The following PPFIBP1 variants were observed in gnomAD, a reference collection of about 807,000 sequenced individuals.
PPFIBP1 encodes the protein liprin-beta-1.
A neutral mutation model predicts 137.8 loss-of-function variants in PPFIBP1; 112 were observed. The ratio of observed to expected loss-of-function variants is 0.81; its 90% CI spans 0.70 to 0.95. The LOEUF (loss-of-function observed/expected upper bound fraction) is 0.95. Among genes scored for constraint, PPFIBP1 ranks in the 40% least tolerant of loss-of-function variants. PPFIBP1 has a pLI of 0.00. For missense variants in PPFIBP1, 1,083 were observed against 1,196.6 expected (o/e 0.91, Z 1.40); for synonymous variants, 378 against 417.3 (o/e 0.91, Z 1.15).
intron 19 of PPFIBP1, 86 bp downstream of exon 19, chr12:27,677,182 A>C (rs143777065): frequency 0.03 from 45,180 of 1,501,496 alleles, 1,041 homozygotes; most frequent in South Asian, 0.099. Context: ...GATCTCTAGA[A>C]AGCGATCTGA....
chr12:27,648,599 A>G (rs1039478593), intron 6 of PPFIBP1, among the ~76,000 whole-genome samples: 2 of 152,254 alleles, frequency 1.3e-5, no homozygotes, highest in African/African-American at 2.4e-5. Flanking sequence ...GAAGCAACTT[A>G]AATGTCCATC....
chr12:27,541,736 A>T (rs1945690048), intron 1 of PPFIBP1, among the ~76,000 whole-genome samples: 1 of 152,192 alleles, frequency 6.6e-6, no homozygotes, highest in African/African-American at 2.4e-5. Context: ...GGGCTTTTAT[A>T]GATGCTTCTC....
chr12:27,604,996 GCATGGGAAAGACCCCCTC>G (rs2054377124), intron 2 of PPFIBP1, among the ~76,000 whole-genome samples: 1 of 152,116 alleles, frequency 6.6e-6, no homozygotes, highest in African/African-American at 2.4e-5. Flanking sequence ...CACAAGAACA[GCATGGGAAAGACCCCCTC>G]CATGATTCAG....
chr12:27,679,482 G>A lies in PPFIBP1; in HGVS notation c.1616-7G>A. 2 of 1,604,912 alleles carry A rather than the reference G, an allele frequency of 1.2e-6. No individual in the cohort carries two copies. Among genetic ancestry groups the A allele is most frequent in the East Asian group, 4.5e-5 (2 of 44,830 alleles). On this transcript the variant is annotated splice_region_variant and splice_polypyrimidine_tract_variant and intron_variant, in intron 19 of 29. Transcript: ENST00000228425. ...AATTCATTGTCTGCATTCTGCTCTT[G>A]GAGTAGCTGAAACAGAAAAAGAGAC...
intron 1 of PPFIBP1, among the ~76,000 whole-genome samples, chr12:27,530,626 T>C (rs1029555811): frequency 6.6e-6 from 1 of 152,188 alleles, no homozygotes; most frequent in Non-Finnish European, 1.5e-5. Flanking sequence ...CCCCTCCTTT[T>C]CTGTAACTGA....
intron 13 of PPFIBP1, among the ~76,000 whole-genome samples, chr12:27,670,612 C>T (rs2060119245): frequency 6.6e-6 from 1 of 151,790 alleles, no homozygotes; most frequent in Non-Finnish European, 1.5e-5. Context: ...CGTGTTTCTA[C>T]AAAAAAATTT....
rs1229496193 is a variant in PPFIBP1, at chr12:27,613,921, C to A, written c.-35-19441C>A. On this transcript the variant is annotated intron_variant, in intron 2 of 29. Transcript: ENST00000228425. ...TTGGGAAGACAATGACCTTGCCTTC[C>A]CCACACACGTCCATACAGCACTGCT... Among the ~76,000 whole-genome samples, 8 of 152,170 alleles carry A rather than the reference C, an allele frequency of 5.3e-5. No individual in the cohort carries two copies. The East Asian group carries it at 1.5e-3, about 29-fold the overall frequency.
In PPFIBP1 at chr12:27,691,948, A is replaced by G; in HGVS notation, c.2865+20A>G. ...GAGCAGGTAAATCCAACACTGTATA[A>G]CTTTTTGCGAGTTCTTCCATCATTC... On this transcript the variant is annotated intron_variant, in intron 28 of 29. Coordinates refer to ENST00000228425, the MANE Select transcript of PPFIBP1 (RefSeq NM_003622.4). 6.4e-7 allele frequency: 1 copy of G among 1,561,726 alleles called. No individual in the cohort carries two copies.
chr12:27,656,506 G>A, intron 8 of PPFIBP1, 110 bp from the exon 9 acceptor site: 2 of 709,644 alleles, frequency 2.8e-6, no homozygotes, highest in Non-Finnish European at 5.0e-6. Flanking sequence ...AATTCTAGTA[G>A]ATTTGTTTCA....
intron 27 of PPFIBP1, among the ~76,000 whole-genome samples, chr12:27,690,248 G>T (rs1037716641): frequency 6.6e-6 from 1 of 151,876 alleles, no homozygotes; most frequent in Non-Finnish European, 1.5e-5. Context: ...TTAGGTACAC[G>T]GGTACTGCTG....
At chr12:27,670,989 C>T (rs1449477627) in intron 13 of PPFIBP1, among the ~76,000 whole-genome samples, 2 of 151,784 alleles carry the variant, frequency 1.3e-5, no homozygotes, top group African/African-American at 4.8e-5. Flanking sequence ...ACATTTCATC[C>T]AGGGCTTAAG....
rs1016470784 is a variant in PPFIBP1, at chr12:27,560,925, C to T, written c.-123-17227C>T. 6.9e-5 allele frequency among the ~76,000 whole-genome samples: 5 copies of T among 72,644 alleles called. No individual in the cohort carries two copies. The East Asian group carries it at 1.5e-3, about 22-fold the overall frequency. 47.7% of individuals were successfully genotyped at this position (72,644 alleles called of 152,430 possible). A position where few individuals can be genotyped will look rare whatever the true frequency, so the allele number is the denominator to read the frequency against. On this transcript the variant is annotated intron_variant, in intron 1 of 29. Transcript: ENST00000228425. ...CAAAAGTTCAGAAATAATCACCTCACCTGAAGAGATGATTTTTGCTAGATT... is the reference window on the plus strand; with the variant it reads ...CAAAAGTTCAGAAATAATCACCTCATCTGAAGAGATGATTTTTGCTAGATT...
At chr12:27,586,962 T>C (rs1476370131) in intron 2 of PPFIBP1, among the ~76,000 whole-genome samples, 1 of 152,182 alleles carries the variant, frequency 6.6e-6, no homozygotes, top group Non-Finnish European at 1.5e-5. Context: ...GCTTTGAAAC[T>C]TGCAAAAATT....
chr12:27,540,259 T>A (rs1945501506), intron 1 of PPFIBP1, among the ~76,000 whole-genome samples: 1 of 150,692 alleles, frequency 6.6e-6, no homozygotes, highest in African/African-American at 2.4e-5. Flanking sequence ...TCTCAAAATA[T>A]CAGTAGTACT....
intron 7 of PPFIBP1, among the ~76,000 whole-genome samples, chr12:27,652,726 A>C (rs1449145268): frequency 1.3e-5 from 2 of 152,232 alleles, no homozygotes; most frequent in East Asian, 3.8e-4. Flanking sequence ...GGAAGCTGTA[A>C]AATACAATAG....
intron 2 of PPFIBP1, among the ~76,000 whole-genome samples, chr12:27,581,082 A>G (rs779611630): frequency 2.0e-5 from 3 of 151,852 alleles, no homozygotes; most frequent in Non-Finnish European, 4.4e-5. Context: ...TTTTGTGGAG[A>G]CAGAGTCTTG....
intron 1 of PPFIBP1, among the ~76,000 whole-genome samples, chr12:27,558,495 C>CACACACACAT (rs71039820): frequency 9.0e-6 from 1 of 111,466 alleles, no homozygotes; most frequent in African/African-American, 3.7e-5. Context: ...CACACACACA[C>CACACACACAT]GATATTCTAT....
chr12:27,653,346 G>T (rs1007494522), intron 7 of PPFIBP1, among the ~76,000 whole-genome samples: 1 of 152,082 alleles, frequency 6.6e-6, no homozygotes. Context: ...AACACTTAGG[G>T]AGTCCGAGGA....
rs1480906893 is a variant in PPFIBP1 at position 27,693,068 on chromosome 12, AC to A, written c.*187del. On this transcript the variant is annotated 3_prime_UTR_variant, in exon 30 of 30. Transcript: ENST00000228425. The stretch of plus-strand genomic sequence containing the variant: ...CTGAAGTTGCCACAAAAAATAAGAC[AC>A]TGGTGAATGAGAGTATAATTGTTTT... 9.1e-6 allele frequency: 7 copies of A among 770,926 alleles called. No homozygotes were observed. Among genetic ancestry groups the A allele is most frequent in the Non-Finnish European group, 1.3e-5 (7 of 519,182 alleles). The allele number at this position is 770,926 out of a possible 1,614,324, so 47.8% of individuals were successfully genotyped here. A position where few individuals can be genotyped will look rare whatever the true frequency, so the allele number is the denominator to read the frequency against.
Sources: gnomAD v4.1 joint callset for allele counts (sites outside exome capture counted in the v4.1 genomes callset) on GRCh38, gnomAD v4.1.1 for gene constraint, MANE v1.5 for transcripts, NCBI Gene and HGNC (gene_info 2026-07-23, HGNC 2026-07-21) for gene names.